Variants in FAM47E observed in about 807,000 individuals in gnomAD.
The protein encoded by FAM47E is protein FAM47E.
In FAM47E, 32 loss-of-function variants were observed where a neutral mutation model predicts 41.6. That is an observed-to-expected ratio of 0.77 (90% CI 0.58 to 1.03). The LOEUF is 1.03. Among genes scored for constraint, FAM47E ranks in the 50% least tolerant of loss-of-function variants. The pLI is 0.00. For missense variants in FAM47E, 424 were observed against 485.4 expected, an observed-to-expected ratio of 0.87 and a Z score of 1.19; for synonymous variants, 184 against 188.7, an observed-to-expected ratio of 0.98 and a Z score of 0.20.
intron 2 of FAM47E, among the ~76,000 whole-genome samples, chr4:76,228,500 GA>G (rs1288050862): frequency 2.0e-5 from 3 of 151,140 alleles, no homozygotes; most frequent in Non-Finnish European, 3.0e-5. Flanking sequence ...AAGAAAGAAA[GA>G]AAAAAAATTT....
At chr4:76,234,544 G>A (rs1258401720) in intron 2 of FAM47E, 4 of 152,214 alleles carry the variant, frequency 2.6e-5, no homozygotes, top group African/African-American at 9.7e-5. Flanking sequence ...CACACAGGAA[G>A]TGAGGCGGCC....
At chr4:76,229,901 T>C (rs1231132485) in intron 2 of FAM47E, among the ~76,000 whole-genome samples, 1 of 152,192 alleles carries the variant, frequency 6.6e-6, no homozygotes, top group Non-Finnish European at 1.5e-5. Flanking sequence ...AGGTGTTGTT[T>C]TCTCCTCCCT....
chr4:76,279,523 A>T (rs1225601757), intron 6 of FAM47E: 1 of 152,228 alleles, frequency 6.6e-6, no homozygotes, highest in African/African-American at 2.4e-5. Context: ...ATAGTAAAAG[A>T]TTGTTTATCA....
At chr4:76,233,163 G>A (rs999283991) in intron 2 of FAM47E, among the ~76,000 whole-genome samples, 5 of 152,082 alleles carry the variant, frequency 3.3e-5, no homozygotes, top group Non-Finnish European at 7.4e-5. Flanking sequence ...TGTTGTAATG[G>A]TAACTCCTAG....
upstream of FAM47E, among the ~76,000 whole-genome samples, chr4:76,248,627 A>G (rs1164394282): frequency 6.6e-6 from 1 of 152,140 alleles, no homozygotes; most frequent in African/African-American, 2.4e-5. Flanking sequence ...AACAGACCTG[A>G]TCCTCGTCAC....
chr4:76,244,201 T>C (rs1733772536), intron 2 of FAM47E, among the ~76,000 whole-genome samples: 1 of 152,182 alleles, frequency 6.6e-6, no homozygotes, highest in Admixed American at 6.5e-5. Context: ...ACAATAAACA[T>C]ACGTGTGCAT....
intron 2 of FAM47E, among the ~76,000 whole-genome samples, chr4:76,222,767 C>T (rs1444831006): frequency 6.6e-6 from 1 of 152,120 alleles, no homozygotes; most frequent in Non-Finnish European, 1.5e-5. Flanking sequence ...GTTCTAAGGA[C>T]TTCACATCTA....
chr4:76,230,988 T>G (rs866461245), intron 2 of FAM47E, among the ~76,000 whole-genome samples: 1 of 152,230 alleles, frequency 6.6e-6, no homozygotes, highest in Admixed American at 6.5e-5. Context: ...TTAGATCCAG[T>G]TTTCTTTCCT....
intron 1 of FAM47E, among the ~76,000 whole-genome samples, chr4:76,252,218 C>T (rs1733997015): frequency 6.6e-6 from 1 of 152,160 alleles, no homozygotes; most frequent in South Asian, 2.1e-4. Flanking sequence ...TGTTAGGCAT[C>T]TGCTGCCCCT....
At chr4:76,219,355 C>T (rs549799019) in intron 2 of FAM47E, among the ~76,000 whole-genome samples, 6 of 152,206 alleles carry the variant, frequency 3.9e-5, no homozygotes, top group African/African-American at 1.2e-4. Context: ...TATATTCTGA[C>T]GTGAAATGTA....
chr4:76,264,484 C>T (rs1237552225), intron 3 of FAM47E, among the ~76,000 whole-genome samples: 1 of 151,920 alleles, frequency 6.6e-6, no homozygotes, highest in Non-Finnish European at 1.5e-5. Flanking sequence ...ACGAAAGCAC[C>T]TCCCTTTTGT....
chr4:76,254,110 A>G (rs116650795), intron 1 of FAM47E, among the ~76,000 whole-genome samples: 2,990 of 147,768 alleles, frequency 0.02, 77 homozygotes, highest in African/African-American at 0.055. Flanking sequence ...CTTGAGCAAC[A>G]GAGTGAGACC....
upstream of FAM47E, among the ~76,000 whole-genome samples, chr4:76,249,713 T>C (rs1198688537): frequency 2.0e-5 from 3 of 151,984 alleles, no homozygotes; most frequent in Admixed American, 2.0e-4. Context: ...CCCCCCAAGT[T>C]CCCAAAGTCC....
chr4:76,219,113 A>T (rs1395029128), intron 2 of FAM47E, among the ~76,000 whole-genome samples: 1 of 152,202 alleles, frequency 6.6e-6, no homozygotes. Context: ...TTCTGGCCTC[A>T]TGCTTATTAA....
At chr4:76,273,028 G>A (rs1206328668) in intron 5 of FAM47E, among the ~76,000 whole-genome samples, 1 of 152,168 alleles carries the variant, frequency 6.6e-6, no homozygotes, top group African/African-American at 2.4e-5. Context: ...GTAGTCGCCT[G>A]TTATCTGTTA....
intron 2 of FAM47E, among the ~76,000 whole-genome samples, chr4:76,258,499 A>C (rs74806446): frequency 0.017 from 2,571 of 152,272 alleles, 41 homozygotes; most frequent in Middle Eastern, 0.051. Context: ...AAAACCACAG[A>C]AATCCTTTAG....
intron 2 of FAM47E, among the ~76,000 whole-genome samples, chr4:76,224,949 T>C (rs112567448): frequency 6.6e-6 from 1 of 152,214 alleles, no homozygotes; most frequent in African/African-American, 2.4e-5. Flanking sequence ...ATCATTCTTA[T>C]AGGCATAAGA....
At chr4:76,271,323 G>A (rs893860555) in intron 4 of FAM47E, among the ~76,000 whole-genome samples, 1 of 152,216 alleles carries the variant, frequency 6.6e-6, no homozygotes, top group African/African-American at 2.4e-5. Context: ...AGTTTGCTAT[G>A]GATCAAACTG....
intron 2 of FAM47E, chr4:76,217,774 C>A: frequency 2.4e-6 from 1 of 417,984 alleles, no homozygotes; most frequent in Non-Finnish European, 4.3e-6. Context: ...CTCTCTATAC[C>A]TAAAATCAGA....
Sources: allele counts gnomAD v4.1 joint callset (sites outside exome capture counted in the v4.1 genomes callset), GRCh38; gene constraint gnomAD v4.1.1; transcripts MANE v1.5; gene names NCBI Gene and HGNC (gene_info 2026-07-23, HGNC 2026-07-21).